NCAM2: variants seen among roughly 807,000 people sequenced by gnomAD.
NCAM2 encodes the protein neural cell adhesion molecule 2.
NCAM2 carries 30 observed loss-of-function variants against 98.1 expected under a neutral mutation model. That is an observed-to-expected ratio of 0.31 (90% CI 0.23 to 0.41). NCAM2 has a LOEUF of 0.41. Among genes scored for constraint, NCAM2 ranks in the 10% least tolerant of loss-of-function variants. The pLI, the probability that NCAM2 is intolerant of heterozygous loss-of-function variation, is 1.00. For synonymous variants in NCAM2, 368 were observed against 342.4 expected (o/e 1.07, Z -0.83); for missense variants, 867 against 1,005.8 (o/e 0.86, Z 1.87).
At chr21:21,355,237 C>T (rs2075438765) in intron 8 of NCAM2, among the ~76,000 whole-genome samples, 1 of 151,828 alleles carries the variant, frequency 6.6e-6, no homozygotes, top group African/African-American at 2.4e-5. Flanking sequence ...AGTTCAAGCC[C>T]AGCCTGGCCA....
intron 3 of NCAM2, 129 bp downstream of exon 3, chr21:21,284,529 C>G (rs1337015667): frequency 1.4e-6 from 1 of 712,322 alleles, no homozygotes. Flanking sequence ...TTTATTTATG[C>G]TTTACCAGAG....
chr21:21,173,158 G>C (rs1324342866), intron 1 of NCAM2, among the ~76,000 whole-genome samples: 1 of 151,934 alleles, frequency 6.6e-6, no homozygotes, highest in Non-Finnish European at 1.5e-5. Context: ...TCCTTTTTTT[G>C]TGTATTTAGT....
intron 5 of NCAM2, among the ~76,000 whole-genome samples, chr21:21,300,685 G>A (rs933016167): frequency 1.7e-4 from 26 of 151,636 alleles, no homozygotes; most frequent in Admixed American, 1.6e-3. Context: ...TACAGGAGGC[G>A]GTCTATAACT....
intron 8 of NCAM2, among the ~76,000 whole-genome samples, chr21:21,367,688 T>G (rs2075820788): frequency 6.6e-6 from 1 of 151,982 alleles, no homozygotes; most frequent in Admixed American, 6.6e-5. Context: ...TATTATGTAC[T>G]TTACAGATGC....
chr21:21,210,793 G>A (rs1167522846), intron 1 of NCAM2: 1 of 425,600 alleles, frequency 2.3e-6, no homozygotes, highest in East Asian at 1.1e-4. Context: ...AACTCCCCTA[G>A]AGGGAGAATG....
chr21:21,096,649 C>T (rs1018120837), intron 1 of NCAM2, among the ~76,000 whole-genome samples: 12 of 151,518 alleles, frequency 7.9e-5, no homozygotes, highest in Non-Finnish European at 3.0e-5. Context: ...ATGCCTTGTT[C>T]GATGGTTATG....
intron 1 of NCAM2, among the ~76,000 whole-genome samples, chr21:21,269,625 C>T (rs2072419384): frequency 6.6e-6 from 1 of 152,096 alleles, no homozygotes; most frequent in South Asian, 2.1e-4. Context: ...GTTCATGTTA[C>T]AGTAATTTTA....
chr21:21,224,574 A>C (rs1464865352), intron 1 of NCAM2, among the ~76,000 whole-genome samples: 1 of 152,154 alleles, frequency 6.6e-6, no homozygotes, highest in Admixed American at 6.6e-5. Context: ...TAAATTTCAC[A>C]CAACAGTCCT....
At chr21:21,200,056 T>C (rs1012548478) in intron 1 of NCAM2, among the ~76,000 whole-genome samples, 2 of 151,970 alleles carry the variant, frequency 1.3e-5, no homozygotes, top group Non-Finnish European at 2.9e-5. Flanking sequence ...AGAAAGAAAA[T>C]GTCTCTGTCT....
intron 1 of NCAM2, among the ~76,000 whole-genome samples, chr21:21,080,682 C>CAAAAAAAT (rs1601308963): frequency 3.6e-5 from 1 of 27,956 alleles, no homozygotes; most frequent in Non-Finnish European, 7.0e-5. Flanking sequence ...AAAAAAAAAC[C>CAAAAAAAT]AACATTGATT....
chr21:21,043,202 TATCAAAAACATAGTA>T (rs2064940515), intron 1 of NCAM2, among the ~76,000 whole-genome samples: 2 of 152,174 alleles, frequency 1.3e-5, no homozygotes. Flanking sequence ...TTCGTGCCAT[TATCAAAAACATAGTA>T]ATTGAGTTTA....
intron 16 of NCAM2, among the ~76,000 whole-genome samples, chr21:21,526,734 T>C (rs1989345168): frequency 6.6e-6 from 1 of 152,136 alleles, no homozygotes; most frequent in South Asian, 2.1e-4. Context: ...TACTATAAGC[T>C]ACGATAAACA....
intron 9 of NCAM2, among the ~76,000 whole-genome samples, chr21:21,397,982 A>G (rs232445): frequency 0.4 from 60,394 of 152,194 alleles, 12,554 homozygotes; most frequent in East Asian, 0.58. Context: ...TGTTTATAGC[A>G]GCACAATTAG....
At chr21:21,454,597 G>A (rs1467496115) in intron 12 of NCAM2, among the ~76,000 whole-genome samples, 1 of 151,746 alleles carries the variant, frequency 6.6e-6, no homozygotes, top group Non-Finnish European at 1.5e-5. Flanking sequence ...GGTTTCAGCA[G>A]GAAAGTTATT....
Position 21,181,220 on chromosome 21 carries a change from G to A in NCAM2, c.56-99358G>A, listed in dbSNP as rs75120809. 0.01 allele frequency among the ~76,000 whole-genome samples: 1,534 copies of A among 152,132 alleles called. 68 individuals carry two copies. The East Asian group carries it at 0.16, about 16-fold the overall frequency. ...GGGAATATGGCAGTAGGAAGAAAAG[G>A]ACTTTTGATTTGAGTTCTAATTTTT... On this transcript the variant is annotated intron_variant, in intron 1 of 17. Coordinates refer to ENST00000400546, the MANE Select transcript of NCAM2 (RefSeq NM_004540.5).
chr21:21,006,417 G>C (rs2064114283), intron 1 of NCAM2, among the ~76,000 whole-genome samples: 1 of 152,124 alleles, frequency 6.6e-6, no homozygotes, highest in South Asian at 2.1e-4. Context: ...GCTGAGGTTA[G>C]AAAATCACTT....
At position 21,237,428 on chromosome 21, in the gene NCAM2, T is replaced by C. The variant is rs368491461; in HGVS notation, c.56-43150T>C. ...CAAATTGTAGTATAATTATGAACAT[T>C]GTGAGTACTATTTTCTCTTTCTGTC... On this transcript the variant is annotated intron_variant, in intron 1 of 17. Transcript: ENST00000400546. Among the ~76,000 whole-genome samples, 8 of 152,252 alleles carry C rather than the reference T, an allele frequency of 5.3e-5. No individual in the cohort carries two copies. The South Asian group carries it at 6.2e-4, about 12-fold the overall frequency.
intron 15 of NCAM2, among the ~76,000 whole-genome samples, chr21:21,490,602 C>T (rs896660197): frequency 7.2e-5 from 11 of 151,756 alleles, no homozygotes; most frequent in South Asian, 4.2e-4. Context: ...ATAGGGGCTA[C>T]GACATAAATC....
intron 1 of NCAM2, among the ~76,000 whole-genome samples, chr21:21,256,074 G>T (rs1480378135): frequency 6.6e-6 from 1 of 152,158 alleles, no homozygotes; most frequent in Admixed American, 6.5e-5. Context: ...AATATTTCTG[G>T]CTGGGCGCAG....
Sources: gnomAD v4.1 joint callset for allele counts (sites outside exome capture counted in the v4.1 genomes callset) on GRCh38, gnomAD v4.1.1 for gene constraint, MANE v1.5 for transcripts, NCBI Gene and HGNC (gene_info 2026-07-23, HGNC 2026-07-21) for gene names.